STARD8: variants seen among roughly 807,000 people sequenced by gnomAD.
STARD8 encodes the protein stAR-related lipid transfer protein 8.
Under a neutral mutation model 69.4 loss-of-function variants are expected in STARD8, and 25 were observed. The observed-to-expected ratio is 0.36, with a 90% CI of 0.26 to 0.50. STARD8 has a LOEUF of 0.50. Among genes scored for constraint, STARD8 ranks in the 20% least tolerant of loss-of-function variants. STARD8 has a pLI of 0.96. For missense variants in STARD8, 921 were observed against 932.5 expected (o/e 0.99, Z 0.16); for synonymous variants, 389 against 374.6 (o/e 1.04, Z -0.45).
At chrX:68,684,367 C>G (rs1372617230) in intron 2 of STARD8, among the ~76,000 whole-genome samples, 1 of 112,553 alleles carries the variant, frequency 8.9e-6, no homozygotes, top group Non-Finnish European at 1.9e-5. Context: ...AGCAGCAGAA[C>G]TCAGGAAATA....
At chrX:68,666,770 G>A (rs780086407) in intron 2 of STARD8, among the ~76,000 whole-genome samples, 1 of 112,203 alleles carries the variant, frequency 8.9e-6, no homozygotes, top group East Asian at 2.8e-4. Flanking sequence ...GCCTTTCCCC[G>A]TCATCATCAT....
chrX:68,691,125 G>GCA (rs943934643), intron 2 of STARD8, among the ~76,000 whole-genome samples: 2 of 110,178 alleles, frequency 1.8e-5, no homozygotes, highest in South Asian at 3.8e-4. Context: ...ACACACACAC[G>GCA]CACACACACA....
intron 2 of STARD8, among the ~76,000 whole-genome samples, chrX:68,700,143 G>C (rs896257929): frequency 8.9e-6 from 1 of 112,058 alleles, no homozygotes; most frequent in Non-Finnish European, 1.9e-5. Flanking sequence ...GCCTAGAAGA[G>C]TGAATCAGAC....
At chrX:68,672,038 C>G (rs193038940) in intron 2 of STARD8, among the ~76,000 whole-genome samples, 1 of 112,160 alleles carries the variant, frequency 8.9e-6, no homozygotes, top group Non-Finnish European at 1.9e-5. Flanking sequence ...TAGCTCGAAT[C>G]TGGTGTTCAA....
chrX:68,655,469 G>C (rs2079605674), intron 1 of STARD8, among the ~76,000 whole-genome samples: 1 of 111,987 alleles, frequency 8.9e-6, no homozygotes, highest in Admixed American at 9.5e-5. Flanking sequence ...TAACCTGTCA[G>C]CTGGGTGATA....
intron 2 of STARD8, among the ~76,000 whole-genome samples, chrX:68,697,684 TCA>T (rs1012907782): frequency 1.8e-5 from 2 of 112,199 alleles, no homozygotes; most frequent in African/African-American, 3.2e-5. Context: ...GCTTCCTCTC[TCA>T]TTCATGATAA....
intron 2 of STARD8, among the ~76,000 whole-genome samples, chrX:68,688,271 G>A (rs1404464496): frequency 9.0e-6 from 1 of 111,631 alleles, no homozygotes; most frequent in Non-Finnish European, 1.9e-5. Context: ...TGGGGCCTCT[G>A]AGGGCTGCCC....
intron 14 of STARD8, 27 bp from the exon 15 acceptor site, chrX:68,724,278 C>T: frequency 8.3e-7 from 1 of 1,199,742 alleles, no homozygotes; most frequent in Non-Finnish European, 1.1e-6. Context: ...ATCCATTGCT[C>T]ATGCCTGGTT....
chrX:68,705,885 G>A (rs1192745124), intron 2 of STARD8, among the ~76,000 whole-genome samples: 1 of 112,935 alleles, frequency 8.9e-6, no homozygotes, highest in East Asian at 2.8e-4. Flanking sequence ...CTGTGGTAGA[G>A]ACTAGAAGTT....
At chrX:68,721,254 T>C in intron 9 of STARD8, 132 bp downstream of exon 9, 1 of 806,742 alleles carries the variant, frequency 1.2e-6, no homozygotes, top group South Asian at 2.6e-5. Flanking sequence ...AGTTACTATC[T>C]GGAGTTGGAA....
intron 2 of STARD8, among the ~76,000 whole-genome samples, chrX:68,668,222 TTC>T (rs1469924995): frequency 2.0e-5 from 2 of 102,288 alleles, no homozygotes; most frequent in African/African-American, 7.2e-5. Flanking sequence ...TCCTTCTTCT[TTC>T]TCTTTTTTCT....
Position 68,712,919 on chromosome X carries a change from G to C in STARD8, c.85G>C (p.Glu29Gln). The stretch of plus-strand genomic sequence containing the variant: ...TTTCCCTTGTTCTGTTTTAGAAGCC[G>C]AGGCCAAAAGAGCATGTGAGTGGCT... Reference protein sequence around the residue: ...LLQVKKNAEAEAKRACEWLQA... With the variant: ...LLQVKKNAEAQAKRACEWLQA... Residue 29 changes from glutamate to glutamine, a missense_variant, in exon 3 of 15, where the codon GAG (glutamate) becomes CAG (glutamine). Transcript: ENST00000374599. 8.3e-7 allele frequency: 1 copy of C among 1,204,988 alleles called. No homozygotes were observed. The highest frequency in any genetic ancestry group is 1.1e-6 in the Non-Finnish European group (1 of 891,970).
Position 68,721,522 on chromosome X carries a change from T to G in STARD8, c.2249-14T>G. 8.3e-7 allele frequency: 1 copy of G among 1,207,979 alleles called. No homozygotes were observed. Among genetic ancestry groups the G allele is most frequent in the Non-Finnish European group, 1.1e-6 (1 of 893,372 alleles). ...GGAAGTAAGGAAGGCTCTTCTTCCA[T>G]TGCTTCCTCACAGTCCTCCCCAAGG... On this transcript the variant is annotated splice_polypyrimidine_tract_variant and intron_variant, in intron 9 of 14. Transcript: ENST00000374599.
At chrX:68,687,976 C>T (rs1012389605) in intron 2 of STARD8, among the ~76,000 whole-genome samples, 1 of 112,880 alleles carries the variant, frequency 8.9e-6, no homozygotes. Context: ...CCGCCCCACT[C>T]TCTGACCCTG....
At chrX:68,652,153 C>A (rs965832665) in intron 1 of STARD8, among the ~76,000 whole-genome samples, 1 of 110,679 alleles carries the variant, frequency 9.0e-6, no homozygotes, top group Non-Finnish European at 1.9e-5. Flanking sequence ...TCACCACGCT[C>A]GGCAAGGCTG....
chrX:68,661,211 G>C (rs1374534717), intron 1 of STARD8, among the ~76,000 whole-genome samples: 1 of 111,647 alleles, frequency 9.0e-6, no homozygotes, highest in Non-Finnish European at 1.9e-5. Flanking sequence ...GGGAGAGTGA[G>C]CTCCATCCCA....
intron 2 of STARD8, among the ~76,000 whole-genome samples, chrX:68,700,793 C>T (rs952674645): frequency 6.3e-5 from 7 of 112,000 alleles, no homozygotes; most frequent in African/African-American, 2.3e-4. Context: ...AAAATACGTC[C>T]TGAGCTGTAC....
At chrX:68,660,003 G>T (rs1254212678) in intron 1 of STARD8, among the ~76,000 whole-genome samples, 1 of 111,093 alleles carries the variant, frequency 9.0e-6, no homozygotes, top group African/African-American at 3.3e-5. Flanking sequence ...GGGGGTGGAT[G>T]AGTAGGTATT....
chrX:68,708,374 G>T (rs1320544292), intron 2 of STARD8, among the ~76,000 whole-genome samples: 3 of 112,687 alleles, frequency 2.7e-5, no homozygotes, highest in Non-Finnish European at 5.6e-5. Flanking sequence ...CCCTATGCTT[G>T]AGTGTTTCTC....
Sources: gnomAD v4.1 joint callset for allele counts (sites outside exome capture counted in the v4.1 genomes callset) on GRCh38, gnomAD v4.1.1 for gene constraint, MANE v1.5 for transcripts, NCBI Gene and HGNC (gene_info 2026-07-23, HGNC 2026-07-21) for gene names.